PPP3CA: variants seen among roughly 807,000 people sequenced by gnomAD.
The protein encoded by PPP3CA is protein phosphatase 3 catalytic subunit alpha.
In PPP3CA, 14 loss-of-function variants were observed where a neutral mutation model predicts 66.5. That is an observed-to-expected ratio of 0.21 (90% CI 0.14 to 0.33). PPP3CA has a LOEUF of 0.33. Among genes scored for constraint, PPP3CA ranks in the 10% least tolerant of loss-of-function variants. The pLI is 1.00. For synonymous variants in PPP3CA, 232 were observed against 226.2 expected (o/e 1.03, Z -0.23); for missense variants, 317 against 639.5 (o/e 0.50, Z 5.44).
At chr4:101,154,421 T>C (rs1481410906) in intron 2 of PPP3CA, among the ~76,000 whole-genome samples, 1 of 152,228 alleles carries the variant, frequency 6.6e-6, no homozygotes, top group Non-Finnish European at 1.5e-5. Context: ...TGATTTACTC[T>C]GTACAAGAAT....
intron 1 of PPP3CA, among the ~76,000 whole-genome samples, chr4:101,261,755 A>G (rs746902794): frequency 6.6e-6 from 1 of 152,104 alleles, no homozygotes; most frequent in Non-Finnish European, 1.5e-5. Flanking sequence ...GCAAATTCCC[A>G]AATCAACTAT....
intron 1 of PPP3CA, among the ~76,000 whole-genome samples, chr4:101,290,098 AGAGAT>A (rs1727975749): frequency 6.6e-6 from 1 of 152,254 alleles, no homozygotes; most frequent in Non-Finnish European, 1.5e-5. Context: ...TACAGTTTTA[AGAGAT>A]GAGTGACATA....
intron 2 of PPP3CA, among the ~76,000 whole-genome samples, chr4:101,166,517 A>G (rs1389575349): frequency 3.3e-5 from 5 of 152,216 alleles, no homozygotes; most frequent in African/African-American, 4.8e-5. Context: ...GGCAGAGAGA[A>G]AAGAGAAAAA....
At chr4:101,037,497 C>T (rs1342390468) in intron 11 of PPP3CA, among the ~76,000 whole-genome samples, 1 of 152,132 alleles carries the variant, frequency 6.6e-6, no homozygotes, top group African/African-American at 2.4e-5. Flanking sequence ...TTCCCAAATT[C>T]CTTGTATTTG....
At chr4:101,229,738 T>G (rs1725899426) in intron 1 of PPP3CA, among the ~76,000 whole-genome samples, 1 of 151,538 alleles carries the variant, frequency 6.6e-6, no homozygotes, top group Non-Finnish European at 1.5e-5. Flanking sequence ...ACTGTACATA[T>G]TCCCAGTTTC....
At chr4:101,183,455 C>T (rs1053898645) in intron 2 of PPP3CA, among the ~76,000 whole-genome samples, 11 of 152,016 alleles carry the variant, frequency 7.2e-5, no homozygotes, top group African/African-American at 2.7e-4. Context: ...GCCATGTGTA[C>T]CACTTAGAAA....
chr4:101,207,365 T>G (rs1725165033), intron 1 of PPP3CA, among the ~76,000 whole-genome samples: 2 of 152,186 alleles, frequency 1.3e-5, no homozygotes, highest in Non-Finnish European at 2.9e-5. Context: ...CAAGACTTAA[T>G]AGACTAACAC....
At position 101,072,841 on chromosome 4, in the gene PPP3CA, CAGG is replaced by C. The variant is rs1273578580; in HGVS notation, c.955+7688_955+7690del. Among the ~76,000 whole-genome samples, 3 of 149,546 alleles carry C rather than the reference CAGG, an allele frequency of 2.0e-5. No individual in the cohort carries two copies. The East Asian group carries it at 5.9e-4, about 29-fold the overall frequency. On this transcript the variant is annotated intron_variant, in intron 8 of 13. Transcript: ENST00000394854. ...GTCCCAGCTACTCCGGAGGCTGAGG[CAGG>C]AGAATGGTGTGAACCCAGAAGGCGG...
Position 101,085,796 on chromosome 4 carries a change from C to G in PPP3CA, c.783-2533G>C, listed in dbSNP as rs1025900117. Reference sequence around the variant, plus strand: ...TTATGCTTTTTAATGGAAATTATCACAAATCACAAAATGTTCAAGCTGAAA... The same window carrying G: ...TTATGCTTTTTAATGGAAATTATCAGAAATCACAAAATGTTCAAGCTGAAA... On this transcript the variant is annotated intron_variant, in intron 6 of 13. Coordinates refer to ENST00000394854, the MANE Select transcript of PPP3CA (RefSeq NM_000944.5). Among the ~76,000 whole-genome samples the G allele has an allele frequency of 3.3e-5, 5 of 151,660 alleles. No individual in the cohort carries two copies. In the East Asian group the frequency reaches 9.7e-4, roughly 29 times the overall value.
intron 1 of PPP3CA, among the ~76,000 whole-genome samples, chr4:101,214,872 T>C (rs1194893429): frequency 6.6e-6 from 1 of 152,154 alleles, no homozygotes; most frequent in East Asian, 1.9e-4. Flanking sequence ...CACATGCCTA[T>C]AATTAGCGAG....
chr4:101,182,264 T>C lies in PPP3CA; in HGVS notation c.259+13652A>G, dbSNP rs192496073. On this transcript the variant is annotated intron_variant, in intron 2 of 13. Transcript: ENST00000394854. ...TTTCAAGAAGTTTTAGATACAGTTA[T>C]TTCCCTCAAGGAATTTTCAGGATAG... 7.0e-4 allele frequency among the ~76,000 whole-genome samples: 106 copies of C among 152,274 alleles called. 1 individual carries two copies. The highest frequency in any genetic ancestry group is 2.4e-3 in the African/African-American group (99 of 41,558).
intron 2 of PPP3CA, among the ~76,000 whole-genome samples, chr4:101,174,727 T>C (rs537295967): frequency 2.0e-5 from 3 of 152,214 alleles, no homozygotes; most frequent in South Asian, 2.1e-4. Context: ...AGATGCTCAG[T>C]TGGCCAAGAA....
rs188398288 is a variant in PPP3CA, at chr4:101,254,434, A to C, written c.59-58318T>G. 3.4e-3 allele frequency among the ~76,000 whole-genome samples: 511 copies of C among 152,066 alleles called. 3 individuals are homozygous for C. Among genetic ancestry groups the C allele is most frequent in the African/African-American group, 0.012 (483 of 41,542 alleles). On this transcript the variant is annotated intron_variant, in intron 1 of 13. Coordinates refer to ENST00000394854, the MANE Select transcript of PPP3CA (RefSeq NM_000944.5). Reference sequence around the variant, plus strand: ...TATAAATGGTTTATATTGCATTTTAAATTTTTTTAAAAGCAAGAGTCATTG... The same window carrying C: ...TATAAATGGTTTATATTGCATTTTACATTTTTTTAAAAGCAAGAGTCATTG...
chr4:101,277,486 CTCT>C (rs756868938), intron 1 of PPP3CA, among the ~76,000 whole-genome samples: 3 of 152,096 alleles, frequency 2.0e-5, no homozygotes, highest in Non-Finnish European at 4.4e-5. Context: ...ACAGAAATTG[CTCT>C]TCTATTTGCA....
At chr4:101,169,628 G>T (rs115899467) in intron 2 of PPP3CA, among the ~76,000 whole-genome samples, 1,578 of 152,228 alleles carry the variant, frequency 0.01, 4 homozygotes, top group Non-Finnish European at 0.018. Context: ...CTACCTATGG[G>T]TTTGATTTTT....
chr4:101,269,553 C>CGTGTGTGTGT lies in PPP3CA; in HGVS notation c.59-73447_59-73438dup, dbSNP rs55721209. 6.5e-3 allele frequency among the ~76,000 whole-genome samples: 879 copies of CGTGTGTGTGT among 135,952 alleles called. 7 individuals are homozygous for CGTGTGTGTGT. Among genetic ancestry groups the CGTGTGTGTGT allele is most frequent in the Non-Finnish European group, 8.2e-3 (512 of 62,374 alleles). The allele number at this position is 135,952 out of a possible 152,430, so 89.2% of individuals were successfully genotyped here. The stretch of plus-strand genomic sequence containing the variant: ...ACATAAGCTCCATACAAACAAGGAA[C>CGTGTGTGTGT]GTGTGTGTGTGTGTGTGTGTGTGTG... On this transcript the variant is annotated intron_variant, in intron 1 of 13. Coordinates refer to ENST00000394854, the MANE Select transcript of PPP3CA (RefSeq NM_000944.5).
intron 10 of PPP3CA, among the ~76,000 whole-genome samples, chr4:101,059,988 CTGTA>C (rs1728392251): frequency 6.6e-6 from 1 of 152,030 alleles, no homozygotes; most frequent in Non-Finnish European, 1.5e-5. Context: ...GAAAAAAAGT[CTGTA>C]TGTGTTCAGT....
intron 2 of PPP3CA, among the ~76,000 whole-genome samples, chr4:101,132,575 C>G (rs1161829903): frequency 1.3e-5 from 2 of 152,080 alleles, no homozygotes; most frequent in Non-Finnish European, 2.9e-5. Context: ...CTGAATAGAC[C>G]AATAACAAGT....
chr4:101,268,648 G>T (rs2110263504), intron 1 of PPP3CA, among the ~76,000 whole-genome samples: 1 of 152,056 alleles, frequency 6.6e-6, no homozygotes, highest in Middle Eastern at 3.4e-3. Context: ...ATAAACCTAA[G>T]GAAGATTCGC....
Sources: allele counts gnomAD v4.1 joint callset (sites outside exome capture counted in the v4.1 genomes callset), GRCh38; gene constraint gnomAD v4.1.1; transcripts MANE v1.5; gene names NCBI Gene and HGNC (gene_info 2026-07-23, HGNC 2026-07-21).